Variants in TRIM33 observed in about 807,000 individuals in gnomAD.
TRIM33 encodes tripartite motif containing 33, also known as E3 ubiquitin-protein ligase TRIM33.
In TRIM33, 20 loss-of-function variants were observed where a neutral mutation model predicts 125.4. The observed-to-expected ratio is 0.16, with a 90% confidence interval of 0.11 to 0.23. TRIM33 has a LOEUF of 0.23. Ranked by LOEUF, TRIM33 falls within the 10% of genes least tolerant of loss-of-function variation. TRIM33 has a pLI of 1.00. For missense variants in TRIM33, 920 were observed against 1,411.4 expected, an observed-to-expected ratio of 0.65 and a Z score of 5.58; for synonymous variants, 564 against 513.9, an observed-to-expected ratio of 1.10 and a Z score of -1.32.
intron 4 of TRIM33, among the ~76,000 whole-genome samples, chr1:114,440,696 G>GT (rs1166060205): frequency 6.6e-6 from 1 of 152,102 alleles, no homozygotes; most frequent in African/African-American, 2.4e-5. Flanking sequence ...CATAAAGAGA[G>GT]TATTTGTGAA....
intron 1 of TRIM33, among the ~76,000 whole-genome samples, chr1:114,485,023 G>T (rs957969432): frequency 2.0e-5 from 3 of 151,798 alleles, no homozygotes; most frequent in Non-Finnish European, 4.4e-5. Context: ...CTGCACTCCC[G>T]CCTGGGAGAC....
intron 11 of TRIM33, among the ~76,000 whole-genome samples, chr1:114,418,974 C>T (rs1437676048): frequency 6.6e-6 from 1 of 151,912 alleles, no homozygotes; most frequent in Non-Finnish European, 1.5e-5. Flanking sequence ...AATCCTAGTA[C>T]CTTGGGAGGC....
chr1:114,446,825 C>T (rs889784398), intron 4 of TRIM33, among the ~76,000 whole-genome samples: 1 of 152,008 alleles, frequency 6.6e-6, no homozygotes, highest in African/African-American at 2.4e-5. Flanking sequence ...GAGGCAGAGG[C>T]GAGAGGATCA....
Position 114,394,829 on chromosome 1 carries a change from G to A in TRIM33, c.*2819C>T, listed in dbSNP as rs551476557. ...GCTGAAAACACAAATTTAGGTCAGC[G>A]GAACAGACTGAGCAACACTTTGTTC... On this transcript the variant is annotated 3_prime_UTR_variant, in exon 20 of 20. Transcript: ENST00000358465. The A allele has an allele frequency of 3.7e-4, 73 of 196,088 alleles. No individual in the cohort carries two copies. Among genetic ancestry groups the A allele is most frequent in the African/African-American group, 1.6e-3 (70 of 43,344 alleles). The allele number at this position is 196,088 out of a possible 1,614,324, so 12.1% of individuals were successfully genotyped here. A position where few individuals can be genotyped will look rare whatever the true frequency, so the allele number is the denominator to read the frequency against.
At chr1:114,469,515 T>C (rs1054408074) in intron 1 of TRIM33, among the ~76,000 whole-genome samples, 2 of 152,108 alleles carry the variant, frequency 1.3e-5, no homozygotes, top group Non-Finnish European at 2.9e-5. Context: ...TAAGGAAGTG[T>C]TTTTCAAAAT....
At chr1:114,447,271 G>A (rs184473269) in intron 4 of TRIM33, among the ~76,000 whole-genome samples, 8 of 152,244 alleles carry the variant, frequency 5.3e-5, no homozygotes, top group African/African-American at 1.2e-4. Flanking sequence ...GAGGTAGTAC[G>A]TGGTAGGAGT....
At chr1:114,418,630 C>CT (rs1441911295) in intron 11 of TRIM33, among the ~76,000 whole-genome samples, 18 of 152,316 alleles carry the variant, frequency 1.2e-4, no homozygotes, top group African/African-American at 4.1e-4. Flanking sequence ...AGCCATTACT[C>CT]TGGAGGTCAT....
chr1:114,454,530 T>A (rs1649515429), intron 4 of TRIM33, among the ~76,000 whole-genome samples: 1 of 151,348 alleles, frequency 6.6e-6, no homozygotes, highest in Non-Finnish European at 1.5e-5. Flanking sequence ...TACAAAAAAA[T>A]AAAAAATTAG....
At chr1:114,399,820 C>A (rs1056734378) in intron 17 of TRIM33, among the ~76,000 whole-genome samples, 1 of 151,962 alleles carries the variant, frequency 6.6e-6, no homozygotes, top group Admixed American at 6.5e-5. Context: ...TCCAAGTCCC[C>A]AAAGTCCTAC....
intron 4 of TRIM33, among the ~76,000 whole-genome samples, chr1:114,442,211 T>G (rs1040525603): frequency 6.6e-6 from 1 of 152,284 alleles, no homozygotes; most frequent in South Asian, 2.1e-4. Flanking sequence ...TGAAGTTCAA[T>G]AAACAAACCA....
chr1:114,475,639 G>A (rs560997240), intron 1 of TRIM33, among the ~76,000 whole-genome samples: 12 of 152,100 alleles, frequency 7.9e-5, no homozygotes, highest in African/African-American at 2.9e-4. Flanking sequence ...CCGAGATGGC[G>A]CCACTGCACT....
At chr1:114,478,247 T>C (rs568554951) in intron 1 of TRIM33, among the ~76,000 whole-genome samples, 2 of 152,322 alleles carry the variant, frequency 1.3e-5, no homozygotes, top group South Asian at 4.1e-4. Flanking sequence ...GTAGTTTTAC[T>C]AGAATGGGGC....
chr1:114,488,932 AGT>A (rs1391580265), intron 1 of TRIM33, among the ~76,000 whole-genome samples: 17 of 152,162 alleles, frequency 1.1e-4, no homozygotes, highest in Admixed American at 1.1e-3. Context: ...ACGCATCTGT[AGT>A]CTCAGCTGGG....
chr1:114,464,009 T>C (rs2101386764), intron 2 of TRIM33, among the ~76,000 whole-genome samples: 1 of 152,210 alleles, frequency 6.6e-6, no homozygotes, highest in South Asian at 2.1e-4. Context: ...GCTCAAGCAA[T>C]CCTCACACCT....
intron 14 of TRIM33, 124 bp downstream of exon 14, chr1:114,406,817 G>T: frequency 2.2e-6 from 2 of 920,156 alleles, no homozygotes; most frequent in Non-Finnish European, 3.2e-6. Flanking sequence ...TCTGGCTTGT[G>T]CCAGGCATGA....
In TRIM33 at chr1:114,397,764, G is replaced by A. The variant is rs55784699; in HGVS notation, c.3268C>T (p.Pro1090Ser). Residue 1090 changes from proline to serine, a missense_variant, in exon 20 of 20, where the codon CCA becomes TCA. Transcript: ENST00000358465. The stretch of plus-strand genomic sequence containing the variant: ...TCATCCTCTTCCTGCTCAAACTCTG[G>A]CAAAGGTGCGAAGGTCCTGTCTGAG... ...IYSDRTFAPL[P>S]EFEQEEDDGE... 1 of 1,613,674 alleles carries A rather than the reference G, an allele frequency of 6.2e-7. No homozygotes were observed. Among genetic ancestry groups the A allele is most frequent in the Non-Finnish European group, 8.5e-7 (1 of 1,179,888 alleles).
rs1195157284 is a variant in TRIM33, at chr1:114,396,360, GTCTCT to G, written c.*1283_*1287del. ...GCTCATTTTCAGGATTTACTTACAG[GTCTCT>G]TCTAAGTCCTTTAAGCCCCCAGTCC... On this transcript the variant is annotated 3_prime_UTR_variant, in exon 20 of 20. Transcript: ENST00000358465. 2 of 203,692 alleles carry G rather than the reference GTCTCT, an allele frequency of 9.8e-6. No individual in the cohort carries two copies. The highest frequency in any genetic ancestry group is 2.0e-5 in the Non-Finnish European group (2 of 99,042). 12.6% of individuals were successfully genotyped at this position (203,692 alleles called of 1,614,324 possible). A position where few individuals can be genotyped will look rare whatever the true frequency, so the allele number is the denominator to read the frequency against.
At chr1:114,416,339 C>T (rs1652942873) in intron 11 of TRIM33, among the ~76,000 whole-genome samples, 1 of 152,158 alleles carries the variant, frequency 6.6e-6, no homozygotes, top group Non-Finnish European at 1.5e-5. Flanking sequence ...TACTACAAAA[C>T]ATTCCCTGTT....
Position 114,410,209 on chromosome 1 carries a change from G to A in TRIM33, c.2169C>T (p.Pro723=), listed in dbSNP as rs374649432. The change falls in exon 12 of 20, where the codon CCC becomes CCT. Residue 723 remains proline, a synonymous_variant. Coordinates refer to ENST00000358465, the MANE Select transcript of TRIM33 (RefSeq NM_015906.4). ...PTSTMNPSPG[P]SALSPGSSGL... ...CTGATGATCCCGGAGAAAGGGCAGA[G>A]GGACCTGGAGAAGGATTCATGGTGC... The A allele has an allele frequency of 2.5e-6, 4 of 1,613,914 alleles. No homozygotes were observed. The African/African-American group carries it at 4.0e-5, about 16-fold the overall frequency.
Sources: allele counts gnomAD v4.1 joint callset (sites outside exome capture counted in the v4.1 genomes callset), GRCh38; gene constraint gnomAD v4.1.1; transcripts MANE v1.5; gene names NCBI Gene and HGNC (gene_info 2026-07-23, HGNC 2026-07-21).